Variants in DMD observed in about 807,000 individuals in gnomAD.
DMD encodes mutant dystrophin.
DMD carries 63 observed loss-of-function variants against 330.1 expected under a neutral mutation model. That is an observed-to-expected ratio of 0.19 (90% CI 0.16 to 0.24). The LOEUF (loss-of-function observed/expected upper bound fraction) is 0.24. Ranked by LOEUF, DMD falls within the 10% of genes least tolerant of loss-of-function variation. The pLI is 1.00. For synonymous variants in DMD, 1,223 were observed against 959.8 expected (o/e 1.27, Z -5.07); for missense variants, 3,344 against 2,684.1 (o/e 1.25, Z -5.43).
chrX:31,349,096 A>G (rs938648438), intron 60 of DMD, among the ~76,000 whole-genome samples: 1 of 112,469 alleles, frequency 8.9e-6, no homozygotes, highest in South Asian at 3.6e-4. Context: ...ATAATAAATC[A>G]TTGAGTGATA....
chrX:31,847,204 T>C (rs1231888221), intron 48 of DMD, among the ~76,000 whole-genome samples: 1 of 111,662 alleles, frequency 9.0e-6, no homozygotes, highest in Non-Finnish European at 1.9e-5. Flanking sequence ...TTTTCATCCT[T>C]CAATGACATA....
At chrX:32,501,954 TA>T (rs2044100721) in intron 18 of DMD, 112 bp from the exon 19 acceptor site, 8 of 571,068 alleles carry the variant, frequency 1.4e-5, no homozygotes, top group African/African-American at 1.4e-4. Flanking sequence ...TCTGTCAGCT[TA>T]TCACGTGAAT....
At chrX:31,138,665 G>GTGTGA (rs2035603365) in intron 76 of DMD, among the ~76,000 whole-genome samples, 1 of 92,142 alleles carries the variant, frequency 1.1e-5, no homozygotes, top group Admixed American at 1.2e-4. Context: ...GAGAGAGAGA[G>GTGTGA]AGAGAGAGAG....
At chrX:31,516,893 G>A (rs1010179506) in intron 55 of DMD, among the ~76,000 whole-genome samples, 1 of 111,315 alleles carries the variant, frequency 9.0e-6, no homozygotes, top group Non-Finnish European at 1.9e-5. Flanking sequence ...GGCCTAGGGT[G>A]GATTACCCCC....
At chrX:32,880,693 C>A (rs1049313448) in intron 2 of DMD, among the ~76,000 whole-genome samples, 16 of 112,563 alleles carry the variant, frequency 1.4e-4, no homozygotes, top group African/African-American at 5.2e-4. Context: ...GCCTGTAATC[C>A]CAGCACTTTA....
intron 21 of DMD, among the ~76,000 whole-genome samples, chrX:32,472,984 T>C (rs1248869163): frequency 9.0e-6 from 1 of 110,783 alleles, no homozygotes; most frequent in African/African-American, 3.3e-5. Context: ...TATAATTATA[T>C]TAGGGAAAGT....
chrX:31,821,798 T>C (rs1357167504), intron 49 of DMD, among the ~76,000 whole-genome samples: 1 of 112,213 alleles, frequency 8.9e-6, no homozygotes, highest in African/African-American at 3.2e-5. Flanking sequence ...TACAAATAAC[T>C]TGATTGATGT....
At chrX:33,293,935 C>T (rs1390658126) in intron 1 of DMD, among the ~76,000 whole-genome samples, 1 of 111,505 alleles carries the variant, frequency 9.0e-6, no homozygotes, top group East Asian at 2.9e-4. Context: ...GAAGGATCTG[C>T]GCTAGGTGTG....
intron 1 of DMD, among the ~76,000 whole-genome samples, chrX:33,202,408 T>C (rs887449543): frequency 9.0e-6 from 1 of 111,684 alleles, no homozygotes; most frequent in African/African-American, 3.2e-5. Flanking sequence ...ATTTAGATGA[T>C]TATGTTTCCC....
chrX:32,686,575 AAAAAAAAG>A (rs1377727420), intron 9 of DMD, among the ~76,000 whole-genome samples: 1 of 106,982 alleles, frequency 9.3e-6, no homozygotes, highest in African/African-American at 3.4e-5. Flanking sequence ...AAAAAAAAAA[AAAAAAAAG>A]AAAAGAAAAG....
At chrX:31,922,473 C>T (rs1011129797) in intron 47 of DMD, among the ~76,000 whole-genome samples, 1 of 108,305 alleles carries the variant, frequency 9.2e-6, no homozygotes, top group East Asian at 2.9e-4. Flanking sequence ...GTCAGAAGTT[C>T]CAGAGGCCTG....
At chrX:32,668,844 T>A (rs1334436119) in intron 9 of DMD, among the ~76,000 whole-genome samples, 1 of 110,697 alleles carries the variant, frequency 9.0e-6, no homozygotes, top group Non-Finnish European at 1.9e-5. Flanking sequence ...AATAATCACT[T>A]ACTAAAAATG....
chrX:31,274,567 T>C, intron 62 of DMD, among the ~76,000 whole-genome samples: 1 of 112,183 alleles, frequency 8.9e-6, no homozygotes, highest in South Asian at 3.7e-4. Context: ...AACCAATTAA[T>C]GATCTACCAA....
chrX:32,213,591 G>GA (rs2097101312), intron 44 of DMD, among the ~76,000 whole-genome samples: 1 of 111,840 alleles, frequency 8.9e-6, no homozygotes, highest in Non-Finnish European at 1.9e-5. Flanking sequence ...GCTCTTTTCT[G>GA]AAAGAATTTT....
At chrX:31,795,227 G>C (rs1194601247) in intron 50 of DMD, among the ~76,000 whole-genome samples, 2 of 111,921 alleles carry the variant, frequency 1.8e-5, no homozygotes, top group Admixed American at 1.9e-4. Flanking sequence ...CATCCTCTTG[G>C]TTCAGGAAGA....
intron 47 of DMD, among the ~76,000 whole-genome samples, chrX:31,911,228 T>C (rs1392648329): frequency 8.9e-6 from 1 of 112,388 alleles, no homozygotes; most frequent in Non-Finnish European, 1.9e-5. Context: ...TAGAAGCTTA[T>C]AATGTATTGC....
intron 53 of DMD, among the ~76,000 whole-genome samples, chrX:31,679,078 G>A (rs373175507): frequency 7.3e-5 from 8 of 110,072 alleles, no homozygotes; most frequent in Non-Finnish European, 1.3e-4. Context: ...TTAGCCAGGC[G>A]TGGTGGTACA....
At chrX:31,888,134 T>C (rs1204681324) in intron 47 of DMD, among the ~76,000 whole-genome samples, 1 of 111,398 alleles carries the variant, frequency 9.0e-6, no homozygotes, top group Non-Finnish European at 1.9e-5. Flanking sequence ...GTAGACCCTC[T>C]TGAGGGTCAG....
intron 15 of DMD, among the ~76,000 whole-genome samples, chrX:32,566,189 A>T (rs1330737108): frequency 8.9e-6 from 1 of 112,125 alleles, no homozygotes; most frequent in Non-Finnish European, 1.9e-5. Context: ...ATTGCTTCAA[A>T]AGGCAAAACA....
Sources: gnomAD v4.1 joint callset for allele counts (sites outside exome capture counted in the v4.1 genomes callset) on GRCh38, gnomAD v4.1.1 for gene constraint, MANE v1.5 for transcripts, NCBI Gene and HGNC (gene_info 2026-07-23, HGNC 2026-07-21) for gene names.